ZNF85: variants seen among roughly 807,000 people sequenced by gnomAD.
ZNF85 encodes zinc finger protein 85, also known as zinc finger protein 85 (HPF4, HTF1).
In ZNF85, 50 loss-of-function variants were observed where a neutral mutation model predicts 53.9. The observed-to-expected ratio is 0.93, with a 90% CI of 0.74 to 1.17. The LOEUF (loss-of-function observed/expected upper bound fraction) is 1.17, where lower values mean the gene tolerates loss of function less well. Among genes scored for constraint, ZNF85 ranks in the 50% most tolerant of loss-of-function variants. The pLI is 0.00. For missense variants in ZNF85, 747 were observed against 688.5 expected (o/e 1.08, Z -0.95); for synonymous variants, 225 against 226.1 (o/e 1.00, Z 0.04).
Position 20,942,880 on chromosome 19 carries a change from A to G in ZNF85, c.230-5864A>G, listed in dbSNP as rs189174483. 2.1e-4 allele frequency: 143 copies of G among 692,958 alleles called. No individual in the cohort carries two copies. The African/African-American group carries it at 2.1e-3, about 10-fold the overall frequency. 42.9% of individuals were successfully genotyped at this position (692,958 alleles called of 1,614,324 possible). On this transcript the variant is annotated intron_variant, in intron 3 of 3. Transcript: ENST00000328178. ...AGCCTCAACCTTCTGGGGTCAAGTG[A>G]TTGTTCCACCTCAGCCTCCCGAGTA... is the stretch of plus-strand genomic sequence containing the variant.
At chr19:20,926,902 T>C (rs1457215032) in intron 1 of ZNF85, 2 of 152,134 alleles carry the variant, frequency 1.3e-5, no homozygotes, top group Non-Finnish European at 1.5e-5. Flanking sequence ...GTACCAACTA[T>C]ATCATCTTTA....
At chr19:20,938,884 ATGTG>A (rs1353951784) in intron 3 of ZNF85, among the ~76,000 whole-genome samples, 24 of 144,544 alleles carry the variant, frequency 1.7e-4, no homozygotes, top group Admixed American at 3.4e-4. Context: ...GTGTATATAT[ATGTG>A]TGTGTGTGTG....
intron 3 of ZNF85, among the ~76,000 whole-genome samples, chr19:20,938,860 G>A (rs1322825638): frequency 2.5e-5 from 3 of 118,622 alleles, no homozygotes; most frequent in Non-Finnish European, 3.9e-5. Flanking sequence ...ATGTGTGTGT[G>A]TGTGTGTGTG....
intron 2 of ZNF85, among the ~76,000 whole-genome samples, chr19:20,934,486 T>G (rs2030196069): frequency 6.6e-6 from 1 of 152,130 alleles, no homozygotes; most frequent in African/African-American, 2.4e-5. Flanking sequence ...ATTAAGAAAC[T>G]GGGCCAGGCT....
At chr19:20,923,865 T>C (rs1377240321) in intron 1 of ZNF85, among the ~76,000 whole-genome samples, 1 of 152,112 alleles carries the variant, frequency 6.6e-6, no homozygotes, top group Non-Finnish European at 1.5e-5. Flanking sequence ...GCGGATCATC[T>C]GAGGTCAGGA....
intron 1 of ZNF85, among the ~76,000 whole-genome samples, chr19:20,929,575 AG>A (rs1414676293): frequency 1.3e-5 from 2 of 150,716 alleles, no homozygotes; most frequent in African/African-American, 4.9e-5. Context: ...TAAATTTCTT[AG>A]TATATGTTAT....
intron 3 of ZNF85, among the ~76,000 whole-genome samples, chr19:20,941,362 G>A (rs1973290841): frequency 6.6e-6 from 1 of 152,150 alleles, no homozygotes; most frequent in Non-Finnish European, 1.5e-5. Context: ...TGCCTCTGGG[G>A]TTCAAGCAAT....
chr19:20,937,468 G>A (rs963313387), intron 3 of ZNF85: 15 of 386,508 alleles, frequency 3.9e-5, no homozygotes, highest in African/African-American at 2.1e-4. Flanking sequence ...ACTAGGGTCC[G>A]CCTTTAGTTG....
chr19:20,938,870 G>A (rs55904824), intron 3 of ZNF85, among the ~76,000 whole-genome samples: 73 of 135,214 alleles, frequency 5.4e-4, no homozygotes, highest in Admixed American at 1.8e-3. Context: ...GTGTGTGTGT[G>A]TGTGTGTATA....
chr19:20,929,144 C>G (rs904556647), intron 1 of ZNF85, among the ~76,000 whole-genome samples: 18 of 150,850 alleles, frequency 1.2e-4, no homozygotes, highest in African/African-American at 3.9e-4. Context: ...GTCACCCAGG[C>G]TGGAGTACAG....
chr19:20,947,816 A>T (rs1159973081), intron 3 of ZNF85, among the ~76,000 whole-genome samples: 2 of 151,388 alleles, frequency 1.3e-5, no homozygotes, highest in Non-Finnish European at 3.0e-5. Flanking sequence ...TATTTTTAAT[A>T]TTTTTGTTGT....
At chr19:20,929,296 C>T (rs972344102) in intron 1 of ZNF85, among the ~76,000 whole-genome samples, 2 of 151,738 alleles carry the variant, frequency 1.3e-5, no homozygotes, top group Admixed American at 1.3e-4. Flanking sequence ...TCAAGCAATT[C>T]TTCTGCCTCA....
At chr19:20,938,638 G>A (rs1456844180) in intron 3 of ZNF85, among the ~76,000 whole-genome samples, 1 of 152,084 alleles carries the variant, frequency 6.6e-6, no homozygotes, top group African/African-American at 2.4e-5. Flanking sequence ...AGAACAATAT[G>A]CTAGAATTTA....
intron 1 of ZNF85, among the ~76,000 whole-genome samples, chr19:20,929,223 C>G (rs894525676): frequency 1.3e-5 from 2 of 149,142 alleles, no homozygotes; most frequent in South Asian, 2.1e-4. Flanking sequence ...CCGTCTTGCT[C>G]TGTCACCCAG....
chr19:20,928,714 C>T (rs1972936787), intron 1 of ZNF85: 1 of 152,320 alleles, frequency 6.6e-6, no homozygotes, highest in Admixed American at 6.5e-5. Context: ...CAGCAGCAAA[C>T]TGTTTTCTCC....
At chr19:20,930,894 T>A (rs1385412122) in intron 1 of ZNF85, among the ~76,000 whole-genome samples, 1 of 152,178 alleles carries the variant, frequency 6.6e-6, no homozygotes, top group Non-Finnish European at 1.5e-5. Context: ...TGCCTCAGCC[T>A]CCCTAGTAGC....
At chr19:20,930,142 A>AAAAAAAG (rs1555793059) in intron 1 of ZNF85, among the ~76,000 whole-genome samples, 1 of 145,160 alleles carries the variant, frequency 6.9e-6, no homozygotes. Context: ...AAAAAAAAAA[A>AAAAAAAG]GAAATCAGAG....
chr19:20,948,504 CTT>C (rs1449989136), intron 3 of ZNF85, among the ~76,000 whole-genome samples: 1 of 152,002 alleles, frequency 6.6e-6, no homozygotes, highest in African/African-American at 2.4e-5. Context: ...CTATGTGGCT[CTT>C]TGCATTATGC....
Position 20,949,514 on chromosome 19 carries a change from A to G in ZNF85, c.1000A>G (p.Ile334Val), listed in dbSNP as rs542453633. ...GTCCTCAAACCTTACTACACATAAG[A>G]TAATTCATACTGGAGAGAAACCCTA... ...KQSSNLTTHKIIHTGEKPYKC... is the reference protein window; with the variant it reads ...KQSSNLTTHKVIHTGEKPYKC... The change falls in exon 4 of 4, where the codon ATA (isoleucine) becomes GTA (valine). Residue 334 changes from isoleucine (I) to valine (V), a missense_variant. Ile to Val is a conservative substitution (Grantham distance 29). Transcript: ENST00000328178. 1.9e-6 allele frequency: 3 copies of G among 1,613,494 alleles called. No individual in the cohort carries two copies. The South Asian group carries it at 3.3e-5, about 18-fold the overall frequency.
Sources: allele counts gnomAD v4.1 joint callset (sites outside exome capture counted in the v4.1 genomes callset), GRCh38; gene constraint gnomAD v4.1.1; transcripts MANE v1.5; gene names NCBI Gene and HGNC (gene_info 2026-07-23, HGNC 2026-07-21).